Variants in ACOXL observed in about 807,000 individuals in gnomAD.
ACOXL encodes the protein acyl-coenzyme A oxidase-like protein.
ACOXL carries 70 observed loss-of-function variants against 71.9 expected under a neutral mutation model. The ratio of observed to expected loss-of-function variants is 0.97; its 90% confidence interval spans 0.80 to 1.19. The LOEUF is 1.19. Ranked by LOEUF, ACOXL falls within the 50% of genes most tolerant of loss-of-function variation. The pLI is 0.00. For missense variants in ACOXL, 703 were observed against 736.3 expected, an observed-to-expected ratio of 0.95 and a Z score of 0.52; for synonymous variants, 253 against 281.6, an observed-to-expected ratio of 0.90 and a Z score of 1.02.
chr2:110,985,296 AC>A (rs2062881222), intron 12 of ACOXL, among the ~76,000 whole-genome samples: 2 of 152,242 alleles, frequency 1.3e-5, no homozygotes, highest in South Asian at 4.1e-4. Context: ...ATGTTCTTTG[AC>A]CCATAATGCA....
intron 13 of ACOXL, 25 bp from the exon 14 acceptor site, chr2:110,995,868 G>C: frequency 1.3e-6 from 2 of 1,575,548 alleles, no homozygotes; most frequent in Non-Finnish European, 1.7e-6. Flanking sequence ...AAATAATAAT[G>C]ATGGTCACCG....
chr2:110,739,658 A>G (rs1212841257), intron 1 of ACOXL, among the ~76,000 whole-genome samples: 4 of 151,868 alleles, frequency 2.6e-5, no homozygotes. Flanking sequence ...CTAACAGTAA[A>G]CCCTCAGGCT....
intron 12 of ACOXL, among the ~76,000 whole-genome samples, chr2:110,947,123 G>A (rs1346851659): frequency 6.7e-6 from 1 of 149,920 alleles, no homozygotes; most frequent in Non-Finnish European, 1.5e-5. Context: ...AACACTGCCT[G>A]AGAGCCGAAC....
rs373903613 is a variant in ACOXL, at chr2:110,752,081, A to G, written c.-22-16287A>G. 5.3e-5 allele frequency among the ~76,000 whole-genome samples: 8 copies of G among 149,710 alleles called. No individual in the cohort carries two copies. In the South Asian group the frequency reaches 1.7e-3, roughly 31 times the overall value. Reference sequence around the variant, plus strand: ...TCTGTCTCGCCCAGGCTGGAGTGCAATGGCACGATCTTGGCTCACTTCAGC... The same window carrying G: ...TCTGTCTCGCCCAGGCTGGAGTGCAGTGGCACGATCTTGGCTCACTTCAGC... On this transcript the variant is annotated intron_variant, in intron 1 of 17. Transcript: ENST00000439055.
intron 3 of ACOXL, among the ~76,000 whole-genome samples, chr2:110,789,657 C>T (rs539253856): frequency 6.6e-6 from 1 of 152,184 alleles, no homozygotes. Context: ...TAACTTTGAT[C>T]ATTGCCCAAA....
intron 9 of ACOXL, among the ~76,000 whole-genome samples, chr2:110,818,555 A>G (rs138718184): frequency 1.3e-5 from 2 of 151,184 alleles, no homozygotes; most frequent in East Asian, 3.9e-4. Flanking sequence ...AGGTATATAT[A>G]TGTATGTGTA....
In ACOXL at chr2:111,049,969, G is replaced by C. The variant is rs116008367; in HGVS notation, c.1440+681G>C. On this transcript the variant is annotated intron_variant, in intron 16 of 17. Coordinates refer to ENST00000439055, the MANE Select transcript of ACOXL (RefSeq NM_001142807.4). The stretch of plus-strand genomic sequence containing the variant: ...ATTAAAACTTTGTCTTTGAAGCAGA[G>C]AGCAGTAAACAGCAGCAGATCACAA... 4.7e-3 allele frequency among the ~76,000 whole-genome samples: 714 copies of C among 152,284 alleles called. 6 individuals are homozygous for C. Among genetic ancestry groups the C allele is most frequent in the African/African-American group, 0.016 (671 of 41,540 alleles).
chr2:110,895,978 A>T (rs1283856747), intron 10 of ACOXL, among the ~76,000 whole-genome samples: 1 of 152,138 alleles, frequency 6.6e-6, no homozygotes, highest in Non-Finnish European at 1.5e-5. Flanking sequence ...ACACAAATAC[A>T]ATAGACTTTC....
chr2:110,735,980 C>G (rs1676785766), intron 1 of ACOXL, among the ~76,000 whole-genome samples: 1 of 152,042 alleles, frequency 6.6e-6, no homozygotes. Flanking sequence ...TCAGGGCCTT[C>G]TCACACCCTT....
chr2:110,944,479 G>A (rs2061020295), intron 12 of ACOXL, among the ~76,000 whole-genome samples: 1 of 152,138 alleles, frequency 6.6e-6, no homozygotes, highest in Non-Finnish European at 1.5e-5. Flanking sequence ...TCCTCAATAG[G>A]TAGTTTTTTT....
chr2:110,883,673 C>CT (rs1202370803), intron 10 of ACOXL, among the ~76,000 whole-genome samples: 1 of 152,182 alleles, frequency 6.6e-6, no homozygotes, highest in African/African-American at 2.4e-5. Flanking sequence ...ACACACAACT[C>CT]TAAGTGCTAT....
At chr2:110,905,900 G>A (rs879623836) in intron 10 of ACOXL, among the ~76,000 whole-genome samples, 2 of 152,214 alleles carry the variant, frequency 1.3e-5, no homozygotes, top group Admixed American at 6.5e-5. Context: ...TCAGCACAGG[G>A]AGAGGCACTG....
At chr2:110,861,511 C>T (rs780773463) in intron 10 of ACOXL, among the ~76,000 whole-genome samples, 1 of 152,090 alleles carries the variant, frequency 6.6e-6, no homozygotes, top group Non-Finnish European at 1.5e-5. Context: ...CTATTCCCCC[C>T]ACTTCCCCTC....
chr2:110,987,185 G>A lies in ACOXL; in HGVS notation c.1137G>A (p.Trp379Ter). 1 of 1,577,760 alleles carries A rather than the reference G, an allele frequency of 6.3e-7. No homozygotes were observed. Among genetic ancestry groups the A allele is most frequent in the Non-Finnish European group, 8.6e-7 (1 of 1,158,712 alleles). ...EKPLFGLLQN[W>*]AESVGDKLRT... ...CACTCTTTGGCCTGCTCCAAAACTG[G>A]GCTGAATCTGTGGGGGACAAGCTGA... Residue 379 changes from tryptophan (W) to a stop codon, truncating the protein, a stop_gained, in exon 13 of 18, where the codon TGG (tryptophan) becomes TGA (stop). Transcript: ENST00000439055. LOFTEE classifies it high-confidence loss of function.
chr2:110,901,673 C>CACACACAT (rs1491437526), intron 10 of ACOXL, among the ~76,000 whole-genome samples: 2 of 139,524 alleles, frequency 1.4e-5, no homozygotes, highest in African/African-American at 5.3e-5. Flanking sequence ...CACACACACA[C>CACACACAT]ATATACACTC....
intron 10 of ACOXL, among the ~76,000 whole-genome samples, chr2:110,905,765 C>T (rs1175717218): frequency 2.0e-5 from 3 of 152,192 alleles, no homozygotes; most frequent in Middle Eastern, 3.4e-3. Context: ...GAATAGAGTC[C>T]GGAGGTGCCA....
intron 14 of ACOXL, among the ~76,000 whole-genome samples, chr2:111,020,342 T>G (rs761976931): frequency 5.9e-5 from 9 of 152,112 alleles, no homozygotes; most frequent in Non-Finnish European, 8.8e-5. Flanking sequence ...GTCAAAAGTT[T>G]CTGTGGTGGA....
At chr2:111,040,098 A>G (rs564850409) in intron 15 of ACOXL, among the ~76,000 whole-genome samples, 1 of 152,304 alleles carries the variant, frequency 6.6e-6, no homozygotes, top group South Asian at 2.1e-4. Flanking sequence ...CAATTGTGCT[A>G]TTTTAAGGAG....
chr2:111,062,258 C>T (rs2066855664), intron 16 of ACOXL, among the ~76,000 whole-genome samples: 1 of 151,724 alleles, frequency 6.6e-6, no homozygotes, highest in African/African-American at 2.4e-5. Context: ...AAGTGTCAAT[C>T]CACCAAGAAG....
Sources: gnomAD v4.1 joint callset for allele counts (sites outside exome capture counted in the v4.1 genomes callset) on GRCh38, gnomAD v4.1.1 for gene constraint, MANE v1.5 for transcripts, NCBI Gene and HGNC (gene_info 2026-07-23, HGNC 2026-07-21) for gene names.